The following POLN variants were observed in gnomAD, a reference collection of about 807,000 sequenced individuals.
The protein encoded by POLN is DNA polymerase nu.
In POLN, 108 loss-of-function variants were observed where a neutral mutation model predicts 113.5. That is an observed-to-expected ratio of 0.95 (90% CI 0.81 to 1.12). POLN has a LOEUF of 1.12. Ranked by LOEUF, POLN falls within the 50% of genes most tolerant of loss-of-function variation. POLN has a pLI of 0.00. For synonymous variants in POLN, 386 were observed against 391.5 expected, an observed-to-expected ratio of 0.99 and a Z score of 0.17; for missense variants, 1,097 against 1,077.1, an observed-to-expected ratio of 1.02 and a Z score of -0.26.
chr4:2,118,884 C>A (rs1305835669), intron 19 of POLN, among the ~76,000 whole-genome samples: 1 of 152,160 alleles, frequency 6.6e-6, no homozygotes, highest in Non-Finnish European at 1.5e-5. Context: ...AAAATTTTAC[C>A]AGCAGTTGTA....
At chr4:2,176,934 A>G (rs1207236916) in intron 8 of POLN, among the ~76,000 whole-genome samples, 1 of 152,122 alleles carries the variant, frequency 6.6e-6, no homozygotes, top group Non-Finnish European at 1.5e-5. Context: ...CATTCTGCCA[A>G]ACAAATCCCC....
At chr4:2,089,116 GT>G in intron 20 of POLN, 17 of 1,114,212 alleles carry the variant, frequency 1.5e-5, no homozygotes, top group Middle Eastern at 2.0e-4. Context: ...GAAAATCTGG[GT>G]TTTTTTTATA....
At chr4:2,178,812 A>C (rs926080895) in intron 8 of POLN, among the ~76,000 whole-genome samples, 1 of 152,170 alleles carries the variant, frequency 6.6e-6, no homozygotes, top group Non-Finnish European at 1.5e-5. Context: ...GGGTTTCACC[A>C]GGTTGGCTAG....
intron 21 of POLN, chr4:2,083,147 C>G (rs1431980046): frequency 1.3e-5 from 2 of 152,200 alleles, no homozygotes; most frequent in Non-Finnish European, 2.9e-5. Context: ...TCAATGTATG[C>G]GTATCTTAGT....
chr4:2,143,317 A>T (rs1337741315), intron 16 of POLN, among the ~76,000 whole-genome samples: 1 of 152,188 alleles, frequency 6.6e-6, no homozygotes, highest in African/African-American at 2.4e-5. Context: ...ATTGACAAAG[A>T]AAAAACAGAG....
intron 3 of POLN, among the ~76,000 whole-genome samples, chr4:2,226,795 T>G (rs1276517074): frequency 6.6e-6 from 1 of 152,244 alleles, no homozygotes; most frequent in Non-Finnish European, 1.5e-5. Context: ...AATTCCATAT[T>G]TATTTGGTAT....
intron 19 of POLN, among the ~76,000 whole-genome samples, chr4:2,101,751 CAG>C (rs1410016164): frequency 6.6e-6 from 1 of 152,198 alleles, no homozygotes; most frequent in Non-Finnish European, 1.5e-5. Context: ...AGGGTGTGAG[CAG>C]AGTGTGAGCT....
chr4:2,134,974 C>G (rs958336227), intron 16 of POLN, among the ~76,000 whole-genome samples: 1 of 152,180 alleles, frequency 6.6e-6, no homozygotes, highest in Admixed American at 6.5e-5. Flanking sequence ...GCCTTGTGCA[C>G]GCATCCCCCC....
intron 2 of POLN, chr4:2,231,987 T>C (rs373980177): frequency 1.6e-5 from 24 of 1,495,026 alleles, no homozygotes; most frequent in Non-Finnish European, 2.1e-5. Context: ...CCACAATATC[T>C]TTCAGATAAT....
intron 16 of POLN, among the ~76,000 whole-genome samples, chr4:2,131,638 G>T (rs974733257): frequency 4.6e-5 from 7 of 152,120 alleles, no homozygotes; most frequent in Admixed American, 2.0e-4. Flanking sequence ...TGTGAAATTT[G>T]TATATTGTAC....
intron 13 of POLN, 129 bp from the exon 14 acceptor site, chr4:2,159,340 A>G: frequency 2.7e-6 from 2 of 752,458 alleles, no homozygotes; most frequent in Non-Finnish European, 4.3e-6. Flanking sequence ...AAAGATGCAT[A>G]ATAAACTCAA....
At position 2,084,336 on chromosome 4, in the gene POLN, C is replaced by T. The variant is rs909223434; in HGVS notation, c.2197+1277G>A. 5.9e-5 allele frequency among the ~76,000 whole-genome samples: 9 copies of T among 152,138 alleles called. No homozygotes were observed. In the East Asian group the frequency reaches 7.7e-4, roughly 13 times the overall value. ...GGCACTCCTCCTGGCCCTGTCTCTG[C>T]GCAGGTCGCCAGCTCCATGAGATGG... On this transcript the variant is annotated intron_variant, in intron 21 of 25. Coordinates refer to ENST00000511885, the MANE Select transcript of POLN (RefSeq NM_181808.4).
intron 13 of POLN, among the ~76,000 whole-genome samples, chr4:2,161,691 G>GC (rs1732596189): frequency 6.6e-6 from 1 of 152,268 alleles, no homozygotes; most frequent in South Asian, 2.1e-4. Context: ...TTCACCTGTA[G>GC]CCCCTGTGCG....
intron 21 of POLN, among the ~76,000 whole-genome samples, chr4:2,085,342 G>A: frequency 6.6e-6 from 1 of 152,116 alleles, no homozygotes; most frequent in East Asian, 1.9e-4. Context: ...CCCTTTCCAG[G>A]TGCAGGCTTG....
intron 2 of POLN, chr4:2,232,008 T>C (rs368034308): frequency 1.4e-5 from 21 of 1,507,478 alleles, no homozygotes; most frequent in African/African-American, 4.1e-5. Context: ...CTTCATCTTT[T>C]AAAAAATATA....
At chr4:2,153,837 G>A (rs1383129518) in intron 16 of POLN, among the ~76,000 whole-genome samples, 5 of 151,870 alleles carry the variant, frequency 3.3e-5, no homozygotes, top group African/African-American at 9.7e-5. Flanking sequence ...ACCCACCTCA[G>A]CCTCCCAGAG....
chr4:2,212,422 T>C (rs1051345144), intron 4 of POLN, among the ~76,000 whole-genome samples: 28 of 152,244 alleles, frequency 1.8e-4, no homozygotes, highest in African/African-American at 6.5e-4. Flanking sequence ...TTGCCCAGGC[T>C]GGAGTGTTGT....
intron 17 of POLN, among the ~76,000 whole-genome samples, chr4:2,130,108 A>G (rs2108725611): frequency 6.6e-6 from 1 of 152,118 alleles, no homozygotes; most frequent in Non-Finnish European, 1.5e-5. Flanking sequence ...ACAAAAAATT[A>G]GCTGGCCGTA....
chr4:2,088,439 A>G (rs1422432896), intron 20 of POLN, among the ~76,000 whole-genome samples: 2 of 152,228 alleles, frequency 1.3e-5, no homozygotes, highest in African/African-American at 4.8e-5. Flanking sequence ...TCAAACAAAA[A>G]TATCTGAGGT....
Sources: allele counts gnomAD v4.1 joint callset (sites outside exome capture counted in the v4.1 genomes callset), GRCh38; gene constraint gnomAD v4.1.1; transcripts MANE v1.5; gene names NCBI Gene and HGNC (gene_info 2026-07-23, HGNC 2026-07-21).